NBEA: variants seen among roughly 807,000 people sequenced by gnomAD.
The protein encoded by NBEA is lysosomal-trafficking regulator 2.
NBEA carries 44 observed loss-of-function variants against 343.4 expected under a neutral mutation model. The ratio of observed to expected loss-of-function variants is 0.13; its 90% CI spans 0.10 to 0.16. The LOEUF is 0.16. Ranked by LOEUF, NBEA falls within the 10% of genes least tolerant of loss-of-function variation. The pLI is 1.00. For missense variants in NBEA, 2,555 were observed against 3,631.3 expected, an observed-to-expected ratio of 0.70 and a Z score of 7.62; for synonymous variants, 1,175 against 1,238.7, an observed-to-expected ratio of 0.95 and a Z score of 1.08.
intron 34 of NBEA, among the ~76,000 whole-genome samples, chr13:35,288,876 A>G (rs1027273191): frequency 6.6e-6 from 1 of 151,934 alleles, no homozygotes; most frequent in Non-Finnish European, 1.5e-5. Context: ...TGTCCCATTA[A>G]TCTTTCTGAC....
chr13:35,529,070 G>A (rs541481799), intron 41 of NBEA, among the ~76,000 whole-genome samples: 1 of 151,992 alleles, frequency 6.6e-6, no homozygotes, highest in African/African-American at 2.4e-5. Flanking sequence ...TACTTACTAT[G>A]TTCTAGGAAT....
intron 1 of NBEA, among the ~76,000 whole-genome samples, chr13:35,039,505 A>G (rs1049977892): frequency 9.9e-5 from 15 of 152,176 alleles, no homozygotes; most frequent in Non-Finnish European, 1.8e-4. Context: ...ATGAACTTGC[A>G]TGAAGACAGA....
At chr13:35,236,442 T>C (rs2075235358) in intron 34 of NBEA, among the ~76,000 whole-genome samples, 1 of 149,340 alleles carries the variant, frequency 6.7e-6, no homozygotes, top group Non-Finnish European at 1.5e-5. Context: ...TTTTGTTTTG[T>C]TTTGTTTTGT....
rs537928775 is a variant in NBEA at position 34,998,554 on chromosome 13, C to T, written c.295-42379C>T. 5.3e-5 allele frequency among the ~76,000 whole-genome samples: 8 copies of T among 152,206 alleles called. No homozygotes were observed. The South Asian group carries it at 8.3e-4, about 16-fold the overall frequency. ...CATTTTAGAGGCCTCCCCTCAGGGA[C>T]GCATTCTCTTTCTCAGGGATGTTCC... is the stretch of plus-strand genomic sequence containing the variant. On this transcript the variant is annotated intron_variant, in intron 1 of 58. Transcript: ENST00000379939.
intron 10 of NBEA, among the ~76,000 whole-genome samples, chr13:35,075,974 A>G (rs2064097828): frequency 6.6e-6 from 1 of 151,986 alleles, no homozygotes; most frequent in African/African-American, 2.4e-5. Context: ...ATTTTATTAC[A>G]TACTCTTAAT....
chr13:34,980,896 TTA>T (rs988534506), intron 1 of NBEA, among the ~76,000 whole-genome samples: 3 of 152,158 alleles, frequency 2.0e-5, no homozygotes, highest in African/African-American at 7.2e-5. Context: ...ATGATAATAG[TTA>T]TATGTATTTT....
chr13:35,407,532 A>AT (rs1235683942), intron 38 of NBEA, among the ~76,000 whole-genome samples: 1 of 146,578 alleles, frequency 6.8e-6, no homozygotes. Flanking sequence ...AAAAAAAAAA[A>AT]GGCTGTAAGC....
chr13:35,084,052 A>G (rs551055652), intron 10 of NBEA, among the ~76,000 whole-genome samples: 41 of 152,320 alleles, frequency 2.7e-4, no homozygotes, highest in African/African-American at 8.7e-4. Context: ...TGCACCCAAT[A>G]CAGGAGCACC....
chr13:35,432,064 ATTATT>A (rs1304966579), intron 38 of NBEA, among the ~76,000 whole-genome samples, 200 bp from the exon 39 acceptor site: 1 of 151,946 alleles, frequency 6.6e-6, no homozygotes, highest in African/African-American at 2.4e-5. Flanking sequence ...TGAGAATGTT[ATTATT>A]TTAAGTCTTT....
intron 1 of NBEA, among the ~76,000 whole-genome samples, chr13:34,972,018 C>G (rs922307166): frequency 3.3e-5 from 5 of 152,000 alleles, no homozygotes; most frequent in African/African-American, 1.2e-4. Flanking sequence ...AATTTCAGAA[C>G]TCATTATTGG....
chr13:35,379,810 T>A (rs1001050142), intron 38 of NBEA, among the ~76,000 whole-genome samples: 2 of 152,118 alleles, frequency 1.3e-5, no homozygotes, highest in African/African-American at 4.8e-5. Flanking sequence ...GGACTCTCTC[T>A]ACAGTTCTTT....
chr13:35,025,211 G>T (rs2061977747), intron 1 of NBEA, among the ~76,000 whole-genome samples: 1 of 152,066 alleles, frequency 6.6e-6, no homozygotes, highest in African/African-American at 2.4e-5. Context: ...TGTTTTTGTT[G>T]CAATTGCTTT....
At chr13:35,151,114 TAAAA>T (rs11450264) in intron 18 of NBEA, among the ~76,000 whole-genome samples, 1 of 134,826 alleles carries the variant, frequency 7.4e-6, no homozygotes, top group Non-Finnish European at 1.6e-5. Context: ...ACACTGGCTC[TAAAA>T]AAAAAAAAAA....
chr13:35,514,088 G>T (rs1485680279), intron 41 of NBEA, among the ~76,000 whole-genome samples: 1 of 150,808 alleles, frequency 6.6e-6, no homozygotes, highest in Non-Finnish European at 1.5e-5. Flanking sequence ...TTTTTCCCCA[G>T]ACTCTACTTC....
chr13:35,328,681 G>A (rs117488524), intron 36 of NBEA, among the ~76,000 whole-genome samples: 4,506 of 151,510 alleles, frequency 0.03, 100 homozygotes, highest in Non-Finnish European at 0.045. Flanking sequence ...GTGGAGACAC[G>A]GTGTTCATGG....
intron 38 of NBEA, among the ~76,000 whole-genome samples, chr13:35,382,746 A>AT (rs1334604690): frequency 2.0e-5 from 3 of 152,146 alleles, no homozygotes; most frequent in Non-Finnish European, 4.4e-5. Context: ...AATAGTAAAA[A>AT]TGCCTGTATT....
At chr13:35,538,245 C>CAT (rs2078650123) in intron 41 of NBEA, among the ~76,000 whole-genome samples, 1 of 152,140 alleles carries the variant, frequency 6.6e-6, no homozygotes, top group Admixed American at 6.5e-5. Flanking sequence ...GTTTATGTTT[C>CAT]ATATATACCT....
chr13:35,653,720 C>T (rs1005757174), intron 53 of NBEA, among the ~76,000 whole-genome samples: 2 of 152,180 alleles, frequency 1.3e-5, no homozygotes, highest in African/African-American at 4.8e-5. Flanking sequence ...TATACCCATA[C>T]ACAAAATACC....
intron 1 of NBEA, among the ~76,000 whole-genome samples, chr13:35,014,596 A>G (rs983495435): frequency 5.3e-5 from 8 of 152,146 alleles, no homozygotes; most frequent in Non-Finnish European, 7.3e-5. Context: ...TTTTAGCAGA[A>G]TCTCTACTTA....
Sources: allele counts gnomAD v4.1 joint callset (sites outside exome capture counted in the v4.1 genomes callset), GRCh38; gene constraint gnomAD v4.1.1; transcripts MANE v1.5; gene names NCBI Gene and HGNC (gene_info 2026-07-23, HGNC 2026-07-21).